The following TBXAS1 variants were observed in gnomAD, a reference collection of about 807,000 sequenced individuals.
The protein encoded by TBXAS1 is thromboxane A synthase 1.
Under a neutral mutation model 60.7 loss-of-function variants are expected in TBXAS1, and 48 were observed. The ratio of observed to expected loss-of-function variants is 0.79; its 90% confidence interval spans 0.63 to 1.01. The LOEUF (loss-of-function observed/expected upper bound fraction) is 1.01, where lower values mean the gene tolerates loss of function less well. Ranked by LOEUF, TBXAS1 falls within the 50% of genes least tolerant of loss-of-function variation. The probability of loss-of-function intolerance (pLI) is 0.00; values close to 1 mark genes in which losing one functional copy is unlikely to be tolerated. For synonymous variants in TBXAS1, 287 were observed against 269.7 expected (o/e 1.06, Z -0.63); for missense variants, 685 against 686.3 (o/e 1.00, Z 0.02).
chr7:139,908,978 C>T (rs1380887118), intron 3 of TBXAS1, among the ~76,000 whole-genome samples: 4 of 152,198 alleles, frequency 2.6e-5, no homozygotes, highest in African/African-American at 9.6e-5. Context: ...CCTTTCAGCA[C>T]TTGAAAAATG....
chr7:139,957,826 C>T, intron 8 of TBXAS1, 62 bp downstream of exon 8: 1 of 1,609,386 alleles, frequency 6.2e-7, no homozygotes, highest in Non-Finnish European at 8.5e-7. Context: ...GCATCACTGT[C>T]TCTGCTCTTT....
chr7:139,838,807 T>C (rs1017659980), intron 1 of TBXAS1, among the ~76,000 whole-genome samples: 2 of 152,222 alleles, frequency 1.3e-5, no homozygotes, highest in Non-Finnish European at 2.9e-5. Context: ...AACTGGGGCA[T>C]CAGGGGATCA....
intron 3 of TBXAS1, among the ~76,000 whole-genome samples, chr7:139,893,404 C>T (rs1352647891): frequency 6.6e-6 from 1 of 151,244 alleles, no homozygotes; most frequent in Non-Finnish European, 1.5e-5. Flanking sequence ...CATGCCTGGG[C>T]ATAACGTGTG....
In TBXAS1 at chr7:139,967,051, C is replaced by A. The variant is rs549063013; in HGVS notation, c.1134+4818C>A. On this transcript the variant is annotated intron_variant, in intron 9 of 12. Coordinates refer to ENST00000448866, the MANE Select transcript of TBXAS1 (RefSeq NM_001061.7). ...GAAGTCCTCACTGCATAATTCCCTG[C>A]CAGGGAGACAGGCTCCAGCTCCTGC... Among the ~76,000 whole-genome samples the A allele has an allele frequency of 5.3e-5, 8 of 152,332 alleles. No individual in the cohort carries two copies. The South Asian group carries it at 1.5e-3, about 28-fold the overall frequency.
intron 4 of TBXAS1, among the ~76,000 whole-genome samples, chr7:139,920,771 G>T (rs1806404082): frequency 6.6e-6 from 1 of 152,166 alleles, no homozygotes; most frequent in Non-Finnish European, 1.5e-5. Context: ...GGCTGATGAG[G>T]TCTAACTTCA....
intron 2 of TBXAS1, chr7:139,782,563 A>T (rs986685473): frequency 6.6e-6 from 1 of 151,858 alleles, no homozygotes; most frequent in Non-Finnish European, 1.5e-5. Flanking sequence ...GTATGCATTT[A>T]GGTGTGTATG....
At chr7:139,779,996 C>A (rs4529375) in intron 1 of TBXAS1, among the ~76,000 whole-genome samples, 4,286 of 152,258 alleles carry the variant, frequency 0.028, 175 homozygotes, top group African/African-American at 0.097. Flanking sequence ...CTCACCTCCT[C>A]CACAAAACAG....
At chr7:139,984,765 CAGGA>C (rs752954974) in intron 9 of TBXAS1, among the ~76,000 whole-genome samples, 1 of 39,418 alleles carries the variant, frequency 2.5e-5, no homozygotes, top group South Asian at 7.8e-4. Flanking sequence ...AGAAAGAAAG[CAGGA>C]AAGAAAGAAA....
At chr7:139,877,498 C>CCAGTCTATTGCTTT (rs1391313633) in intron 3 of TBXAS1, among the ~76,000 whole-genome samples, 1 of 151,430 alleles carries the variant, frequency 6.6e-6, no homozygotes, top group African/African-American at 2.4e-5. Flanking sequence ...TCTCAGCTCA[C>CCAGTCTATTGCTTT]TGCAACCTCT....
chr7:139,818,673 C>A (rs1256798360), intron 4 of TBXAS1, among the ~76,000 whole-genome samples: 2 of 152,202 alleles, frequency 1.3e-5, no homozygotes, highest in African/African-American at 4.8e-5. Context: ...GCAGTGCCCC[C>A]TTTGCAGACA....
chr7:139,992,940 G>A (rs932622631), intron 9 of TBXAS1, among the ~76,000 whole-genome samples: 1 of 152,206 alleles, frequency 6.6e-6, no homozygotes, highest in African/African-American at 2.4e-5. Flanking sequence ...GGAGGCCGAG[G>A]TGGGTGGATT....
intron 9 of TBXAS1, among the ~76,000 whole-genome samples, chr7:139,963,480 T>G (rs1478290091): frequency 6.6e-6 from 1 of 152,240 alleles, no homozygotes; most frequent in African/African-American, 2.4e-5. Flanking sequence ...AGATTGACAT[T>G]GATCCATTAA....
At chr7:139,863,380 A>C (rs1278465254) in intron 1 of TBXAS1, among the ~76,000 whole-genome samples, 1 of 152,024 alleles carries the variant, frequency 6.6e-6, no homozygotes, top group East Asian at 1.9e-4. Flanking sequence ...TTTTTTCCAG[A>C]GGGGTAAAGA....
chr7:139,953,904 G>A (rs1323698731), intron 6 of TBXAS1, among the ~76,000 whole-genome samples: 2 of 152,184 alleles, frequency 1.3e-5, no homozygotes, highest in African/African-American at 2.4e-5. Context: ...AACATCTTTA[G>A]TCTAAGTTTG....
intron 3 of TBXAS1, among the ~76,000 whole-genome samples, chr7:139,905,052 T>TTTC: frequency 1.2e-5 from 1 of 84,526 alleles, no homozygotes; most frequent in Admixed American, 1.3e-4. Context: ...TCTTTCTTTC[T>TTTC]TTCTTTCTCT....
intron 4 of TBXAS1, among the ~76,000 whole-genome samples, chr7:139,812,394 G>A (rs975808895): frequency 4.6e-5 from 7 of 152,098 alleles, no homozygotes; most frequent in Non-Finnish European, 7.4e-5. Context: ...TGAACCAAAC[G>A]TTTTTCCAGA....
intron 3 of TBXAS1, among the ~76,000 whole-genome samples, chr7:139,882,197 G>A (rs1341080842): frequency 6.6e-6 from 1 of 152,188 alleles, no homozygotes; most frequent in Non-Finnish European, 1.5e-5. Context: ...TACCATCATG[G>A]ATCAAGAACA....
intron 12 of TBXAS1, among the ~76,000 whole-genome samples, chr7:140,018,764 C>A (rs1321190026): frequency 6.6e-6 from 1 of 152,248 alleles, no homozygotes; most frequent in Admixed American, 6.5e-5. Context: ...GGCAGGGACC[C>A]AGTCTGTCAT....
rs10591254 is a variant in TBXAS1, at chr7:140,013,084, CAAA to C, written c.1227-2624_1227-2622del. ...TGGGCAACAGAGCGAGACTCCATCT[CAAA>C]AAAAAAAAAAAAAAGAAATTGGGGC... On this transcript the variant is annotated intron_variant, in intron 10 of 12. Coordinates refer to ENST00000448866, the MANE Select transcript of TBXAS1 (RefSeq NM_001061.7). The surrounding 1 kb of genome is among the most constrained non-coding windows in gnomAD (Gnocchi z 4.2). 3.4e-3 allele frequency among the ~76,000 whole-genome samples: 395 copies of C among 114,586 alleles called. 2 individuals are homozygous for C. Among genetic ancestry groups the C allele is most frequent in the African/African-American group, 9.3e-3 (321 of 34,544 alleles). The allele number at this position is 114,586 out of a possible 152,430, so 75.2% of individuals were successfully genotyped here. A position where few individuals can be genotyped will look rare whatever the true frequency, so the allele number is the denominator to read the frequency against.
Sources: gnomAD v4.1 joint callset for allele counts (sites outside exome capture counted in the v4.1 genomes callset) on GRCh38, gnomAD v4.1.1 for gene constraint, Gnocchi (gnomAD v3.1) non-coding constraint, MANE v1.5 for transcripts, NCBI Gene and HGNC (gene_info 2026-07-23, HGNC 2026-07-21) for gene names.